The following DOCK3 variants were observed in gnomAD, a reference collection of about 807,000 sequenced individuals.
The protein encoded by DOCK3 is dedicator of cytokinesis protein 3.
A neutral mutation model predicts 265.6 loss-of-function variants in DOCK3; 60 were observed. That is an observed-to-expected ratio of 0.23 (90% CI 0.18 to 0.28). The LOEUF is 0.28. Among genes scored for constraint, DOCK3 ranks in the 10% least tolerant of loss-of-function variants. The pLI, the probability that DOCK3 is intolerant of heterozygous loss-of-function variation, is 1.00. For missense variants in DOCK3, 1,981 were observed against 2,594.3 expected (o/e 0.76, Z 5.14); for synonymous variants, 881 against 938.0 (o/e 0.94, Z 1.11).
intron 4 of DOCK3, among the ~76,000 whole-genome samples, chr3:50,894,278 G>T (rs549364144): frequency 6.6e-6 from 1 of 151,880 alleles, no homozygotes; most frequent in African/African-American, 2.4e-5. Flanking sequence ...AGATTTCTCC[G>T]CCAAAACCTT....
intron 5 of DOCK3, among the ~76,000 whole-genome samples, chr3:50,964,344 T>C (rs1459860424): frequency 6.6e-6 from 1 of 152,148 alleles, no homozygotes; most frequent in Admixed American, 6.5e-5. Context: ...GACACAGATA[T>C]TGGAATTACC....
chr3:50,831,390 TC>T (rs1414431486), intron 2 of DOCK3, among the ~76,000 whole-genome samples: 2 of 152,014 alleles, frequency 1.3e-5, no homozygotes, highest in Non-Finnish European at 2.9e-5. Flanking sequence ...TCCCCCACCC[TC>T]TGACATGCCC....
intron 5 of DOCK3, among the ~76,000 whole-genome samples, chr3:50,948,021 A>AATTATC (rs1425455436): frequency 0.037 from 4,496 of 120,270 alleles, 249 homozygotes; most frequent in East Asian, 0.069. Context: ...ACGCCCAGCT[A>AATTATC]ATTATTATTA....
At position 51,168,537 on chromosome 3, in the gene DOCK3, A is replaced by G. The variant is rs557702660; in HGVS notation, c.1037+7835A>G. ...ATGACACTGGGATAACTTTCTAGCA[A>G]TAAGTATAAGATTGAAATTGGACCC... On this transcript the variant is annotated intron_variant, in intron 12 of 52. Transcript: ENST00000266037. 3.9e-5 allele frequency among the ~76,000 whole-genome samples: 6 copies of G among 152,368 alleles called. No individual in the cohort carries two copies. In the East Asian group the frequency reaches 1.2e-3, roughly 29 times the overall value.
At chr3:51,061,263 G>C (rs556296311) in intron 5 of DOCK3, among the ~76,000 whole-genome samples, 2 of 152,100 alleles carry the variant, frequency 1.3e-5, no homozygotes, top group African/African-American at 2.4e-5. Context: ...ACATACACAC[G>C]TGTGTTTATT....
intron 5 of DOCK3, among the ~76,000 whole-genome samples, chr3:51,013,125 A>G (rs936818215): frequency 3.3e-5 from 5 of 152,158 alleles, no homozygotes. Flanking sequence ...GTTTGTTATT[A>G]CCGACTTTCT....
intron 23 of DOCK3, among the ~76,000 whole-genome samples, chr3:51,263,393 C>G (rs1319169732): frequency 1.3e-5 from 2 of 152,168 alleles, no homozygotes; most frequent in African/African-American, 4.8e-5. Context: ...CACCACCAGG[C>G]CTGCCTTACA....
At chr3:50,717,242 G>T (rs991543657) in intron 1 of DOCK3, among the ~76,000 whole-genome samples, 1 of 152,188 alleles carries the variant, frequency 6.6e-6, no homozygotes, top group African/African-American at 2.4e-5. Flanking sequence ...TTACACTTGT[G>T]CAAATATACC....
chr3:51,139,297 A>G (rs369461013), intron 9 of DOCK3, among the ~76,000 whole-genome samples: 1 of 152,200 alleles, frequency 6.6e-6, no homozygotes, highest in East Asian at 1.9e-4. Flanking sequence ...GTACCCAAGA[A>G]GAAACAGAAA....
At chr3:50,691,690 G>A (rs1202263487) in intron 1 of DOCK3, among the ~76,000 whole-genome samples, 2 of 152,278 alleles carry the variant, frequency 1.3e-5, no homozygotes, top group Admixed American at 6.5e-5. Context: ...CAGTGCACAA[G>A]GATTCTAGTT....
intron 9 of DOCK3, among the ~76,000 whole-genome samples, chr3:51,139,609 C>T (rs551263825): frequency 6.6e-6 from 1 of 152,086 alleles, no homozygotes; most frequent in Non-Finnish European, 1.5e-5. Flanking sequence ...CAGAGGGGAA[C>T]AAATGTCCTT....
intron 4 of DOCK3, among the ~76,000 whole-genome samples, chr3:50,918,201 A>G (rs1311119210): frequency 6.6e-6 from 1 of 152,142 alleles, no homozygotes; most frequent in East Asian, 1.9e-4. Flanking sequence ...GCTATTGTGA[A>G]TAGTGCCACA....
intron 3 of DOCK3, among the ~76,000 whole-genome samples, chr3:50,869,046 C>A (rs1417384880): frequency 6.8e-6 from 1 of 148,088 alleles, no homozygotes; most frequent in African/African-American, 2.5e-5. Context: ...TTGATCTCGG[C>A]TCACTGCAAG....
At chr3:50,975,281 C>G (rs1439523302) in intron 5 of DOCK3, among the ~76,000 whole-genome samples, 15 of 151,370 alleles carry the variant, frequency 9.9e-5, no homozygotes, top group Non-Finnish European at 1.5e-4. Context: ...GTGGGTTTGT[C>G]ATAAATAGCT....
At chr3:51,379,674 G>C in intron 51 of DOCK3, 1 of 978,444 alleles carries the variant, frequency 1.0e-6, no homozygotes, top group Non-Finnish European at 1.2e-6. Flanking sequence ...CCATTCTCTG[G>C]GCCGACTCAG....
At chr3:51,307,913 A>G (rs146000718) in intron 27 of DOCK3, among the ~76,000 whole-genome samples, 3 of 135,948 alleles carry the variant, frequency 2.2e-5, no homozygotes, top group African/African-American at 8.2e-5. Flanking sequence ...TCTCCAACAA[A>G]TGCCTTGGGT....
At chr3:51,370,344 G>A (rs1165577434) in intron 49 of DOCK3, among the ~76,000 whole-genome samples, 1 of 152,304 alleles carries the variant, frequency 6.6e-6, no homozygotes, top group East Asian at 1.9e-4. Flanking sequence ...TCTTGCTGAG[G>A]ACAGATCTCT....
intron 2 of DOCK3, among the ~76,000 whole-genome samples, chr3:50,793,384 G>A (rs1458571978): frequency 1.4e-5 from 2 of 138,394 alleles, no homozygotes; most frequent in African/African-American, 5.3e-5. Context: ...TTGAGGCAGA[G>A]TTTTGCTCTT....
chr3:50,936,674 C>A (rs1430970075), intron 5 of DOCK3, among the ~76,000 whole-genome samples: 1 of 151,316 alleles, frequency 6.6e-6, no homozygotes. Context: ...AAGAAAAAAA[C>A]AAAACAGATT....
Sources: gnomAD v4.1 joint callset for allele counts (sites outside exome capture counted in the v4.1 genomes callset) on GRCh38, gnomAD v4.1.1 for gene constraint, MANE v1.5 for transcripts, NCBI Gene and HGNC (gene_info 2026-07-23, HGNC 2026-07-21) for gene names.